Variants in PLA2R1 observed in about 807,000 individuals in gnomAD.
PLA2R1 encodes phospholipase A2 receptor 1.
A neutral mutation model predicts 195.9 loss-of-function variants in PLA2R1; 158 were observed. That is an observed-to-expected ratio of 0.81 (90% CI 0.71 to 0.92). PLA2R1 has a LOEUF of 0.92. Among genes scored for constraint, PLA2R1 ranks in the 40% least tolerant of loss-of-function variants. The pLI is 0.00. For synonymous variants in PLA2R1, 586 were observed against 598.2 expected (o/e 0.98, Z 0.30); for missense variants, 1,626 against 1,764.6 (o/e 0.92, Z 1.41).
chr2:159,981,168 G>C (rs1442362043), intron 13 of PLA2R1, among the ~76,000 whole-genome samples: 1 of 151,712 alleles, frequency 6.6e-6, no homozygotes, highest in Non-Finnish European at 1.5e-5. Context: ...CTCTTCATCA[G>C]TTTCCTGAAA....
intron 1 of PLA2R1, among the ~76,000 whole-genome samples, chr2:160,048,919 C>A (rs916240805): frequency 1.8e-4 from 27 of 148,326 alleles, no homozygotes; most frequent in Admixed American, 5.4e-4. Context: ...CGGCTCACTG[C>A]AAGCTCCGCC....
rs148451876 is a variant in PLA2R1 at position 160,005,811 on chromosome 2, C to T, written c.1675G>A (p.Ala559Thr). Residue 559 changes from alanine to threonine, a missense_variant, in exon 11 of 30, where the codon GCT becomes ACT. Ala to Thr is a moderately conservative substitution (Grantham distance 58, BLOSUM62 0). Transcript: ENST00000283243. ...CTACTGATCAAACTGGTAATAAAAGCCTGTTCAAACCTTAAAAGGGGAAAA... is the reference window on the plus strand; with the variant it reads ...CTACTGATCAAACTGGTAATAAAAGTCTGTTCAAACCTTAAAAGGGGAAAA... The part of the protein sequence containing the change: ...LVTITNRFEQ[A>T]FITSLISSVV... 132 of 1,609,334 alleles carry T rather than the reference C, an allele frequency of 8.2e-5. No homozygotes were observed. The highest frequency in any genetic ancestry group is 1.1e-4 in the Non-Finnish European group (131 of 1,176,196).
intron 8 of PLA2R1, among the ~76,000 whole-genome samples, chr2:160,017,829 T>C (rs1407988590): frequency 6.6e-6 from 1 of 152,146 alleles, no homozygotes; most frequent in Non-Finnish European, 1.5e-5. Context: ...CCATGACCCT[T>C]AGAAAAATAC....
intron 20 of PLA2R1, among the ~76,000 whole-genome samples, chr2:159,965,755 C>T (rs1257471350): frequency 6.6e-6 from 1 of 152,194 alleles, no homozygotes; most frequent in African/African-American, 2.4e-5. Context: ...TCTGCATTCC[C>T]ACCAGGAGTG....
chr2:160,036,207 C>T (rs1001686001), intron 3 of PLA2R1, among the ~76,000 whole-genome samples: 3 of 152,210 alleles, frequency 2.0e-5, no homozygotes, highest in Non-Finnish European at 4.4e-5. Flanking sequence ...ACCTAGTCCA[C>T]ATCTCTACAT....
At chr2:159,958,793 T>C (rs573636066) in intron 20 of PLA2R1, among the ~76,000 whole-genome samples, 1 of 152,206 alleles carries the variant, frequency 6.6e-6, no homozygotes, top group South Asian at 2.1e-4. Flanking sequence ...TGGCAACTAA[T>C]GGGTAGAGAC....
chr2:160,001,985 T>G (rs1265357132), intron 11 of PLA2R1, among the ~76,000 whole-genome samples: 1 of 151,058 alleles, frequency 6.6e-6, no homozygotes, highest in South Asian at 2.1e-4. Flanking sequence ...GCATTTCAGG[T>G]AGCAAAAGCA....
downstream of PLA2R1, among the ~76,000 whole-genome samples, chr2:159,929,589 T>C (rs1266758991): frequency 6.6e-6 from 1 of 152,146 alleles, no homozygotes; most frequent in Non-Finnish European, 1.5e-5. Context: ...GAAAACAGTG[T>C]GGAGATTCCT....
At chr2:160,028,451 C>T (rs931272578) in intron 5 of PLA2R1, 90 bp from the exon 6 acceptor site, 16 of 903,850 alleles carry the variant, frequency 1.8e-5, no homozygotes, top group Middle Eastern at 2.1e-4. Context: ...CGGGGGACAG[C>T]GTTTCTATTT....
Position 160,013,378 on chromosome 2 carries a change from TAA to T in PLA2R1, c.1552-5_1552-4del. 1 of 1,520,488 alleles carries T rather than the reference TAA, an allele frequency of 6.6e-7. No homozygotes were observed. The highest frequency in any genetic ancestry group is 9.1e-7 in the Non-Finnish European group (1 of 1,097,572). The allele number at this position is 1,520,488 out of a possible 1,614,324, so 94.2% of individuals were successfully genotyped here. A position where few individuals can be genotyped will look rare whatever the true frequency, so the allele number is the denominator to read the frequency against. On this transcript the variant is annotated splice_polypyrimidine_tract_variant and splice_region_variant and intron_variant, in intron 9 of 29. Coordinates refer to ENST00000283243, the MANE Select transcript of PLA2R1 (RefSeq NM_007366.5). ...AATCCACCATGTCTCTCCCATCCCT[TAA>T]AAAGAATAAAAGGGAAATTAAGGAC...
chr2:159,925,018 T>C, the PLA2R1 span, among the ~76,000 whole-genome samples: 14 of 152,210 alleles, frequency 9.2e-5, no homozygotes, highest in Non-Finnish European at 1.5e-4. Flanking sequence ...TTCTGTTTCC[T>C]CAACACTTTG....
At chr2:159,992,885 C>T (rs1690925618) in intron 11 of PLA2R1, among the ~76,000 whole-genome samples, 6 of 152,036 alleles carry the variant, frequency 3.9e-5, no homozygotes, top group Admixed American at 3.9e-4. Context: ...CGGAGTCATC[C>T]CATATGAATG....
At chr2:160,026,452 A>G (rs1171283296) in intron 6 of PLA2R1, among the ~76,000 whole-genome samples, 1 of 152,138 alleles carries the variant, frequency 6.6e-6, no homozygotes, top group African/African-American at 2.4e-5. Context: ...CACTTTGAAA[A>G]TAAGTCTTGA....
chr2:160,044,176 A>G (rs948591624), intron 2 of PLA2R1, among the ~76,000 whole-genome samples: 1 of 152,158 alleles, frequency 6.6e-6, no homozygotes, highest in African/African-American at 2.4e-5. Flanking sequence ...GACAAAAATA[A>G]CCATAGAAAA....
intron 9 of PLA2R1, among the ~76,000 whole-genome samples, chr2:160,015,802 A>G (rs1480312046): frequency 6.6e-6 from 1 of 152,222 alleles, no homozygotes; most frequent in Non-Finnish European, 1.5e-5. Flanking sequence ...GAAGATTCTA[A>G]GGGGATGGGT....
intron 20 of PLA2R1, among the ~76,000 whole-genome samples, chr2:159,967,184 C>T (rs143067853): frequency 6.6e-5 from 10 of 152,206 alleles, no homozygotes; most frequent in South Asian, 2.1e-4. Flanking sequence ...TGCACACACA[C>T]GCACGCACAT....
chr2:160,045,987 G>A (rs547041301), intron 1 of PLA2R1, among the ~76,000 whole-genome samples: 80 of 152,312 alleles, frequency 5.3e-4, no homozygotes, highest in African/African-American at 1.7e-3. Context: ...TGAGTTTCCC[G>A]TGGAAAAGCT....
chr2:160,061,683 G>A (rs903427127), intron 1 of PLA2R1, among the ~76,000 whole-genome samples: 10 of 152,194 alleles, frequency 6.6e-5, no homozygotes, highest in Admixed American at 1.3e-4. Context: ...GCTGAGGTGG[G>A]AGGATCGCTT....
In PLA2R1 at chr2:159,938,186, A is replaced by C. The variant is rs1560123378; in HGVS notation, c.*3592T>G. The C allele has an allele frequency of 6.6e-6, 1 of 152,388 alleles. No individual in the cohort carries two copies. The highest frequency in any genetic ancestry group is 1.9e-4 in the East Asian group (1 of 5,184). The allele number at this position is 152,388 out of a possible 1,614,324, so 9.4% of individuals were successfully genotyped here. The stretch of plus-strand genomic sequence containing the variant: ...GATTTCAACAGCCTGTGGAAGCTCC[A>C]TAATGAATCAAAGATGGGTCTCAAG... On this transcript the variant is annotated 3_prime_UTR_variant, in exon 30 of 30. Transcript: ENST00000283243.
Sources: allele counts gnomAD v4.1 joint callset (sites outside exome capture counted in the v4.1 genomes callset), GRCh38; gene constraint gnomAD v4.1.1; transcripts MANE v1.5; gene names NCBI Gene and HGNC (gene_info 2026-07-23, HGNC 2026-07-21).